The following LY86 variants were observed in gnomAD, a reference collection of about 807,000 sequenced individuals.
LY86 encodes MD-1, RP105-associated.
In LY86, 20 loss-of-function variants were observed where a neutral mutation model predicts 17.3. The ratio of observed to expected loss-of-function variants is 1.15; its 90% CI spans 0.81 to 1.68. The LOEUF (loss-of-function observed/expected upper bound fraction) is 1.68, where lower values mean the gene tolerates loss of function less well. Among genes scored for constraint, LY86 ranks in the 40% most tolerant of loss-of-function variants. The probability of loss-of-function intolerance (pLI) is 0.00; values close to 1 mark genes in which losing one functional copy is unlikely to be tolerated. For synonymous variants in LY86, 74 were observed against 70.6 expected, an observed-to-expected ratio of 1.05 and a Z score of -0.24; for missense variants, 200 against 191.9, an observed-to-expected ratio of 1.04 and a Z score of -0.25.
chr6:6,603,615 CAAACAAAAAAA>C (rs1760992041), intron 1 of LY86, among the ~76,000 whole-genome samples: 12 of 114,154 alleles, frequency 1.1e-4, no homozygotes, highest in South Asian at 2.8e-4. Flanking sequence ...GAAAAAAAAA[CAAACAAAAAAA>C]AACAAAACAC....
intron 1 of LY86, among the ~76,000 whole-genome samples, chr6:6,618,757 G>A (rs1210059291): frequency 6.6e-6 from 1 of 152,204 alleles, no homozygotes; most frequent in Non-Finnish European, 1.5e-5. Context: ...GCATAAGAGA[G>A]TCAAATGGGA....
rs79752068 is a variant in LY86 at position 6,612,382 on chromosome 6, T to C, written c.137-12544T>C. Among the ~76,000 whole-genome samples, 142 of 152,356 alleles carry C rather than the reference T, an allele frequency of 9.3e-4. 3 individuals carry two copies. In the East Asian group the frequency reaches 0.025, roughly 27 times the overall value. ...GGTGATACATTTGGAGTGTTAATCA[T>C]TTATTTTCCCCCAGTGGGTACCTAG... On this transcript the variant is annotated intron_variant, in intron 1 of 4. Coordinates refer to ENST00000230568, the MANE Select transcript of LY86 (RefSeq NM_004271.4).
intron 1 of LY86, among the ~76,000 whole-genome samples, chr6:6,606,583 G>A (rs1761160232): frequency 6.6e-6 from 1 of 152,230 alleles, no homozygotes; most frequent in African/African-American, 2.4e-5. Flanking sequence ...GGGAGGCTCA[G>A]GCATGGCGGG....
chr6:6,600,949 C>T (rs913443708), intron 1 of LY86, among the ~76,000 whole-genome samples: 1 of 152,218 alleles, frequency 6.6e-6, no homozygotes, highest in African/African-American at 2.4e-5. Flanking sequence ...TTTTCTGCCT[C>T]ACACTTGACT....
intron 3 of LY86, among the ~76,000 whole-genome samples, chr6:6,646,300 G>A (rs773715408): frequency 2.0e-5 from 3 of 152,180 alleles, no homozygotes; most frequent in Non-Finnish European, 2.9e-5. Context: ...ACCCCTGGAC[G>A]TGTGCTCTTA....
chr6:6,594,563 G>C (rs1320776743), intron 1 of LY86, among the ~76,000 whole-genome samples: 2 of 152,188 alleles, frequency 1.3e-5, no homozygotes, highest in Non-Finnish European at 2.9e-5. Context: ...CTGGCCAAGA[G>C]TAGGAAGGAA....
chr6:6,625,837 T>C (rs59285191), intron 2 of LY86, among the ~76,000 whole-genome samples: 4,626 of 152,158 alleles, frequency 0.03, 192 homozygotes, highest in African/African-American at 0.098. Flanking sequence ...AAAGAGAGAA[T>C]TGGAAGCCAC....
At chr6:6,603,625 A>C (rs1482251240) in intron 1 of LY86, among the ~76,000 whole-genome samples, 2 of 138,232 alleles carry the variant, frequency 1.4e-5, no homozygotes, top group African/African-American at 5.1e-5. Flanking sequence ...CAAACAAAAA[A>C]AAACAAAACA....
chr6:6,640,705 T>G (rs1342874848), intron 3 of LY86, among the ~76,000 whole-genome samples: 1 of 151,484 alleles, frequency 6.6e-6, no homozygotes, highest in Non-Finnish European at 1.5e-5. Context: ...CAGAGTGAGA[T>G]TTCTCTCTAA....
chr6:6,649,424 G>A (rs1762154009), intron 3 of LY86, among the ~76,000 whole-genome samples: 2 of 152,238 alleles, frequency 1.3e-5, no homozygotes, highest in Non-Finnish European at 1.5e-5. Flanking sequence ...CACATGGAAG[G>A]TGCCCGACCA....
At chr6:6,604,383 A>G (rs1323540663) in intron 1 of LY86, among the ~76,000 whole-genome samples, 4 of 152,226 alleles carry the variant, frequency 2.6e-5, no homozygotes, top group Admixed American at 6.5e-5. Context: ...GTATCAAAAT[A>G]ATCAGGGAGG....
chr6:6,623,696 G>A (rs899570056), intron 1 of LY86, among the ~76,000 whole-genome samples: 1 of 152,162 alleles, frequency 6.6e-6, no homozygotes, highest in African/African-American at 2.4e-5. Flanking sequence ...GCTAGGTGTT[G>A]GGGAACCTAG....
At chr6:6,643,769 CACAA>C (rs540451007) in intron 3 of LY86, among the ~76,000 whole-genome samples, 73 of 152,348 alleles carry the variant, frequency 4.8e-4, no homozygotes, top group Admixed American at 2.5e-3. Context: ...CACATGTGCA[CACAA>C]ACACACACAC....
chr6:6,612,153 G>A (rs1761368519), intron 1 of LY86, among the ~76,000 whole-genome samples: 2 of 150,314 alleles, frequency 1.3e-5, no homozygotes, highest in Admixed American at 1.3e-4. Context: ...TGATAGATGT[G>A]TCCACAATTT....
intron 1 of LY86, among the ~76,000 whole-genome samples, chr6:6,604,402 TA>T (rs1327862037): frequency 2.6e-5 from 4 of 151,166 alleles, no homozygotes; most frequent in South Asian, 2.1e-4. Context: ...GGTTTGAAAA[TA>T]AAATAAGACC....
chr6:6,633,067 C>T (rs763817383), intron 3 of LY86, among the ~76,000 whole-genome samples: 5 of 152,166 alleles, frequency 3.3e-5, no homozygotes, highest in Non-Finnish European at 7.3e-5. Flanking sequence ...GAATATTCCA[C>T]GTCAGGAAGA....
At chr6:6,603,603 C>CAACAAAACAAA (rs1207511602) in intron 1 of LY86, among the ~76,000 whole-genome samples, 1 of 70,464 alleles carries the variant, frequency 1.4e-5, no homozygotes, top group Non-Finnish European at 3.2e-5. Context: ...AAAACAGAAA[C>CAACAAAACAAA]AGAAAAAAAA....
chr6:6,603,042 T>C (rs1760962061), intron 1 of LY86, among the ~76,000 whole-genome samples: 1 of 152,084 alleles, frequency 6.6e-6, no homozygotes, highest in South Asian at 2.1e-4. Flanking sequence ...AGGTTCAGTG[T>C]CTAGGGAGCG....
intron 3 of LY86, among the ~76,000 whole-genome samples, chr6:6,643,469 T>C (rs889972243): frequency 6.6e-6 from 1 of 152,102 alleles, no homozygotes; most frequent in Non-Finnish European, 1.5e-5. Context: ...GTCAAACTCA[T>C]AGTAAGAGTA....
Sources: gnomAD v4.1 joint callset for allele counts (sites outside exome capture counted in the v4.1 genomes callset) on GRCh38, gnomAD v4.1.1 for gene constraint, MANE v1.5 for transcripts, NCBI Gene and HGNC (gene_info 2026-07-23, HGNC 2026-07-21) for gene names.